The following CFAP58 variants were observed in gnomAD, a reference collection of about 807,000 sequenced individuals.
CFAP58 encodes the protein cilia and flagella associated protein 58.
A neutral mutation model predicts 119.5 loss-of-function variants in CFAP58; 88 were observed. The observed-to-expected ratio is 0.74, with a 90% CI of 0.62 to 0.88. CFAP58 has a LOEUF of 0.88. CFAP58 is among the 40% of genes least tolerant of loss of function. CFAP58 has a pLI of 0.00. For missense variants in CFAP58, 990 were observed against 1,021.2 expected (o/e 0.97, Z 0.42); for synonymous variants, 365 against 366.3 (o/e 1.00, Z 0.04).
At chr10:104,421,213 A>G (rs12264727) in intron 15 of CFAP58, among the ~76,000 whole-genome samples, 22,578 of 152,232 alleles carry the variant, frequency 0.15, 1,876 homozygotes, top group Middle Eastern at 0.31. Flanking sequence ...CTCATCATGT[A>G]GAAGCATACA....
Position 104,406,697 on chromosome 10 carries a change from C to T in CFAP58, c.2160C>T (p.Asp720=). The T allele has an allele frequency of 6.2e-7, 1 of 1,614,068 alleles. No homozygotes were observed. The highest frequency in any genetic ancestry group is 8.5e-7 in the Non-Finnish European group (1 of 1,179,950). ...TTGTTCCCCTTGGACAGGCCAGCGA[C>T]CCCAATGCATATGAGCTGATACAGA... is the stretch of plus-strand genomic sequence containing the variant. The part of the protein sequence containing the change: ...VHRWRKLEAS[D]PNAYELIQKI... The change falls in exon 15 of 18, where the codon GAC becomes GAT. Residue 720 remains aspartate, a synonymous_variant. Coordinates refer to ENST00000369704, the MANE Select transcript of CFAP58 (RefSeq NM_001008723.2).
intron 15 of CFAP58, among the ~76,000 whole-genome samples, chr10:104,417,991 T>G (rs2012580326): frequency 6.6e-6 from 1 of 152,200 alleles, no homozygotes; most frequent in East Asian, 1.9e-4. Flanking sequence ...AAGAATGGTG[T>G]TTATATACTT....
intron 15 of CFAP58, among the ~76,000 whole-genome samples, chr10:104,446,720 T>C (rs2013117290): frequency 6.6e-6 from 1 of 152,192 alleles, no homozygotes; most frequent in Non-Finnish European, 1.5e-5. Flanking sequence ...ATTATTGCAG[T>C]TTAGTGATTT....
the CFAP58 span, among the ~76,000 whole-genome samples, chr10:104,348,630 A>G: frequency 6.6e-5 from 10 of 152,176 alleles, no homozygotes; most frequent in African/African-American, 2.2e-4. Context: ...AGTGTCCACA[A>G]GTACCTGATA....
chr10:104,404,915 T>A (rs2012333755), intron 14 of CFAP58, among the ~76,000 whole-genome samples: 1 of 152,176 alleles, frequency 6.6e-6, no homozygotes, highest in African/African-American at 2.4e-5. Flanking sequence ...TCATTTTAAT[T>A]TTTTTTCTTT....
intron 7 of CFAP58, among the ~76,000 whole-genome samples, chr10:104,373,551 G>A (rs1178495728): frequency 6.6e-6 from 1 of 152,150 alleles, no homozygotes; most frequent in Non-Finnish European, 1.5e-5. Flanking sequence ...CTACTTGGGA[G>A]GCTGAGGCAG....
upstream of CFAP58, among the ~76,000 whole-genome samples, chr10:104,352,787 A>G (rs563067232): frequency 5.2e-4 from 79 of 152,346 alleles, 3 homozygotes; most frequent in South Asian, 0.016. Context: ...GATGCCCCTT[A>G]TGAAACGCTG....
At chr10:104,443,061 GCA>G (rs1320347046) in intron 15 of CFAP58, among the ~76,000 whole-genome samples, 1 of 152,174 alleles carries the variant, frequency 6.6e-6, no homozygotes, top group African/African-American at 2.4e-5. Flanking sequence ...AATGAGGAGA[GCA>G]CAACAGCAGG....
chr10:104,368,500 G>A lies in CFAP58; in HGVS notation c.870G>A (p.Gln290=). ...RNAKLQQENE[Q]HSLVCEQLSQ... is the part of the protein sequence containing the mutation. ...CTAAACTTCAGCAAGAGAATGAACA[G>A]CACAGTTTGGTCTGTGAGCAGCTAT... Residue 290 remains glutamine, a synonymous_variant, in exon 6 of 18, where the codon CAG becomes CAA. Transcript: ENST00000369704. 2 of 1,614,010 alleles carry A rather than the reference G, an allele frequency of 1.2e-6. No individual in the cohort carries two copies. Among genetic ancestry groups the A allele is most frequent in the Non-Finnish European group, 1.7e-6 (2 of 1,179,912 alleles).
chr10:104,368,477 A>G lies in CFAP58; in HGVS notation c.847A>G (p.Lys283Glu), dbSNP rs891411135. The G allele has an allele frequency of 2.5e-6, 4 of 1,613,896 alleles. No homozygotes were observed. The highest frequency in any genetic ancestry group is 1.7e-5 in the Admixed American group (1 of 59,976). Reference sequence around the variant, plus strand: ...CGAGCAATTTCAGATGAGAAATGCTAAACTTCAGCAAGAGAATGAACAGCA... The same window carrying G: ...CGAGCAATTTCAGATGAGAAATGCTGAACTTCAGCAAGAGAATGAACAGCA... ...ELEQFQMRNA[K>E]LQQENEQHSL... Residue 283 changes from lysine to glutamate, a missense_variant, in exon 6 of 18, where the codon AAA (lysine) becomes GAA (glutamate). Lys to Glu is a moderately conservative substitution (Grantham distance 56). Coordinates refer to ENST00000369704, the MANE Select transcript of CFAP58 (RefSeq NM_001008723.2).
chr10:104,436,220 CTGTTTTATATA>C (rs1214749234), intron 15 of CFAP58, among the ~76,000 whole-genome samples: 2 of 152,080 alleles, frequency 1.3e-5, no homozygotes, highest in Non-Finnish European at 2.9e-5. Flanking sequence ...TTGAAATGTT[CTGTTTTATATA>C]TGTTTTATAA....
the CFAP58 span, among the ~76,000 whole-genome samples, chr10:104,344,790 C>A: frequency 0.015 from 2,231 of 152,188 alleles, 82 homozygotes; most frequent in African/African-American, 0.05. Context: ...GCTCAGCAGG[C>A]ATTTGCTTCT....
chr10:104,438,376 T>TTTTG (rs2012977782), intron 15 of CFAP58, among the ~76,000 whole-genome samples: 1 of 96,016 alleles, frequency 1.0e-5, no homozygotes, highest in African/African-American at 4.6e-5. Context: ...TTTTTTTTGT[T>TTTTG]TTTTTTTTTT....
At chr10:104,419,586 A>G (rs1237987065) in intron 15 of CFAP58, among the ~76,000 whole-genome samples, 1 of 149,628 alleles carries the variant, frequency 6.7e-6, no homozygotes, top group Non-Finnish European at 1.5e-5. Flanking sequence ...ACTTTTGAAA[A>G]TTCCTTTTTT....
At chr10:104,444,030 A>G (rs558215668) in intron 15 of CFAP58, among the ~76,000 whole-genome samples, 3 of 152,358 alleles carry the variant, frequency 2.0e-5, no homozygotes, top group East Asian at 1.9e-4. Flanking sequence ...TCAAGGATGG[A>G]CATAGTATGG....
intron 15 of CFAP58, among the ~76,000 whole-genome samples, chr10:104,444,224 G>A (rs2013080319): frequency 6.6e-6 from 1 of 152,194 alleles, no homozygotes; most frequent in South Asian, 2.1e-4. Flanking sequence ...TTTTGTTGGT[G>A]GGGAAATAAT....
At chr10:104,354,768 T>C (rs1340949025) in intron 1 of CFAP58, among the ~76,000 whole-genome samples, 1 of 152,170 alleles carries the variant, frequency 6.6e-6, no homozygotes, top group Admixed American at 6.5e-5. Flanking sequence ...CAAATAATTT[T>C]AAGACAGAAC....
chr10:104,381,630 T>G (rs2011805152), intron 9 of CFAP58, among the ~76,000 whole-genome samples: 1 of 151,798 alleles, frequency 6.6e-6, no homozygotes, highest in African/African-American at 2.4e-5. Context: ...TTTTTTTTTT[T>G]GGAGTGAAAT....
At chr10:104,357,922 TAC>T (rs1202163422) in intron 1 of CFAP58, among the ~76,000 whole-genome samples, 18,953 of 112,770 alleles carry the variant, frequency 0.17, 2,325 homozygotes, top group Middle Eastern at 0.22. Flanking sequence ...CACATATATG[TAC>T]ACATATACAC....
Sources: gnomAD v4.1 joint callset for allele counts (sites outside exome capture counted in the v4.1 genomes callset) on GRCh38, gnomAD v4.1.1 for gene constraint, MANE v1.5 for transcripts, NCBI Gene and HGNC (gene_info 2026-07-23, HGNC 2026-07-21) for gene names.